The following CCDC158 variants were observed in gnomAD, a reference collection of about 807,000 sequenced individuals.
The protein encoded by CCDC158 is coiled-coil domain containing 158.
A neutral mutation model predicts 138.6 loss-of-function variants in CCDC158; 116 were observed. That is an observed-to-expected ratio of 0.84 (90% CI 0.72 to 0.98). CCDC158 has a LOEUF of 0.98. Among genes scored for constraint, CCDC158 ranks in the 50% least tolerant of loss-of-function variants. The pLI, the probability that CCDC158 is intolerant of heterozygous loss-of-function variation, is 0.00. For missense variants in CCDC158, 1,265 were observed against 1,306.1 expected (o/e 0.97, Z 0.48); for synonymous variants, 436 against 442.4 (o/e 0.99, Z 0.18).
At chr4:76,369,286 G>T (rs1277158121) in intron 11 of CCDC158, 140 bp downstream of exon 11, 6 of 553,336 alleles carry the variant, frequency 1.1e-5, no homozygotes, top group Admixed American at 3.9e-5. Context: ...TTCATAAATT[G>T]CTCACAGAAT....
intron 21 of CCDC158, among the ~76,000 whole-genome samples, chr4:76,329,308 G>A (rs1215629995): frequency 3.3e-5 from 5 of 152,068 alleles, no homozygotes; most frequent in African/African-American, 7.2e-5. Context: ...AAATTAGGTC[G>A]GGTGTGGTGG....
chr4:76,331,390 A>G lies in CCDC158; in HGVS notation c.2896T>C (p.Leu966=). Reference sequence around the variant, plus strand: ...TTGCTTCCTTCAGTGGAGTCCCTCAACGAGTTGTTGCTTCTGTTGGTAGAG... The same window carrying G: ...TTGCTTCCTTCAGTGGAGTCCCTCAGCGAGTTGTTGCTTCTGTTGGTAGAG... ...SDMCHRSNNS[L]RDSTEGSKSS... is the part of the protein sequence containing the mutation. The change falls in exon 21 of 25, where the codon TTG becomes CTG. Residue 966 remains leucine, a synonymous_variant. Coordinates refer to ENST00000682701, the MANE Select transcript of CCDC158 (RefSeq NM_001394954.1). 2 of 1,614,012 alleles carry G rather than the reference A, an allele frequency of 1.2e-6. No individual in the cohort carries two copies. Among genetic ancestry groups the G allele is most frequent in the Non-Finnish European group, 1.7e-6 (2 of 1,179,882 alleles).
Position 76,362,273 on chromosome 4 carries a change from C to A in CCDC158, c.1873G>T (p.Ala625Ser). Residue 625 changes from alanine (A) to serine (S), a missense_variant, in exon 13 of 25, where the codon GCC becomes TCC. Physicochemically the swap from Ala to Ser is moderately conservative, Grantham distance 99. Transcript: ENST00000682701. ...TCCAGCTCCAAGTCACTCACTCTGG[C>A]CTCAAGCTCCCGGATCTTTGCATCT... ...KKDAKIRELE[A>S]RVSDLELEKV... 6.2e-7 allele frequency: 1 copy of A among 1,613,984 alleles called. No individual in the cohort carries two copies. The highest frequency in any genetic ancestry group is 1.1e-5 in the South Asian group (1 of 91,008).
At position 76,358,996 on chromosome 4, in the gene CCDC158, G is replaced by A. The variant is rs555956262; in HGVS notation, c.2021-1470C>T. 2.6e-4 allele frequency among the ~76,000 whole-genome samples: 39 copies of A among 152,286 alleles called. No homozygotes were observed. In the South Asian group the frequency reaches 7.7e-3, roughly 30 times the overall value. On this transcript the variant is annotated intron_variant, in intron 13 of 24. Transcript: ENST00000682701. ...TGTTGGAGGAGGGGCTTCGTGGGAGGTGATTGGATCATGGGGAAGGATTTC... is the reference window on the plus strand; with the variant it reads ...TGTTGGAGGAGGGGCTTCGTGGGAGATGATTGGATCATGGGGAAGGATTTC...
chr4:76,341,890 A>G (rs1337570005), intron 18 of CCDC158, among the ~76,000 whole-genome samples: 1 of 152,226 alleles, frequency 6.6e-6, no homozygotes, highest in Non-Finnish European at 1.5e-5. Context: ...CCTCATTCAC[A>G]AAGACTAATG....
Position 76,313,112 on chromosome 4 carries a change from G to T in CCDC158, c.*58C>A, listed in dbSNP as rs764082796. The stretch of plus-strand genomic sequence containing the variant: ...AAAAAGTACACAGGGCACTAATTAC[G>T]AGTAACACCACAATTAATTGGGCCT... On this transcript the variant is annotated 3_prime_UTR_variant, in exon 25 of 25. Transcript: ENST00000682701. The T allele has an allele frequency of 9.1e-7, 1 of 1,094,008 alleles. No homozygotes were observed. Among genetic ancestry groups the T allele is most frequent in the Non-Finnish European group, 1.3e-6 (1 of 745,952 alleles). The allele number at this position is 1,094,008 out of a possible 1,614,324, so 67.8% of individuals were successfully genotyped here. A position where few individuals can be genotyped will look rare whatever the true frequency, so the allele number is the denominator to read the frequency against.
chr4:76,353,249 T>C lies in CCDC158; in HGVS notation c.2319A>G (p.Lys773=), dbSNP rs1449553007. ...EKHFLKEEKS[K]LSQELSTVAT... is the part of the protein sequence containing the mutation. The stretch of plus-strand genomic sequence containing the variant: ...CAACAGTACTCAATTCCTGACTGAG[T>C]TTACTTTTCTCTTCTTTCAGAAAAT... The change falls in exon 16 of 25, where the codon AAA becomes AAG. Residue 773 remains lysine (K), a synonymous_variant. Coordinates refer to ENST00000682701, the MANE Select transcript of CCDC158 (RefSeq NM_001394954.1). 3 of 1,610,056 alleles carry C rather than the reference T, an allele frequency of 1.9e-6. No individual in the cohort carries two copies.
In CCDC158 at chr4:76,396,125, C is replaced by A. The variant is rs1274344500; in HGVS notation, c.288+144G>T. ...ATTTTAATACCGAAAATAGAAGGCA[C>A]AGGTCAAATTAACAAATTTAACCAA... On this transcript the variant is annotated intron_variant, in intron 4 of 24. Coordinates refer to ENST00000682701, the MANE Select transcript of CCDC158 (RefSeq NM_001394954.1). The A allele has an allele frequency of 1.0e-5, 5 of 481,192 alleles. No homozygotes were observed. The East Asian group carries it at 1.7e-4, about 16-fold the overall frequency. The allele number at this position is 481,192 out of a possible 1,614,324, so 29.8% of individuals were successfully genotyped here. A position where few individuals can be genotyped will look rare whatever the true frequency, so the allele number is the denominator to read the frequency against.
intron 1 of CCDC158, among the ~76,000 whole-genome samples, chr4:76,419,625 C>G (rs193190916): frequency 1.8e-4 from 28 of 152,104 alleles, no homozygotes; most frequent in Non-Finnish European, 3.7e-4. Flanking sequence ...CCAATATCTG[C>G]CTCTGTGGTC....
At chr4:76,394,102 C>A (rs963664870) in intron 4 of CCDC158, among the ~76,000 whole-genome samples, 7 of 151,960 alleles carry the variant, frequency 4.6e-5, no homozygotes, top group African/African-American at 1.7e-4. Context: ...ATAGAGCTAC[C>A]GTATGATCCA....
At chr4:76,343,023 G>A (rs924026632) in intron 18 of CCDC158, among the ~76,000 whole-genome samples, 1 of 152,146 alleles carries the variant, frequency 6.6e-6, no homozygotes, top group East Asian at 1.9e-4. Context: ...GAATTTAGAG[G>A]CTTAATCTTT....
intron 2 of CCDC158, among the ~76,000 whole-genome samples, chr4:76,411,259 G>A (rs13434666): frequency 0.029 from 4,453 of 152,092 alleles, 219 homozygotes; most frequent in African/African-American, 0.1. Flanking sequence ...AAAATTAGCC[G>A]GGCATGGTGG....
rs1015737793 is a variant in CCDC158, at chr4:76,350,895, C to T, written c.2664+101G>A. 4.8e-6 allele frequency: 5 copies of T among 1,037,818 alleles called. No individual in the cohort carries two copies. The Admixed American group carries it at 1.1e-4, about 23-fold the overall frequency. 64.3% of individuals were successfully genotyped at this position (1,037,818 alleles called of 1,614,324 possible). On this transcript the variant is annotated intron_variant, in intron 18 of 24. Coordinates refer to ENST00000682701, the MANE Select transcript of CCDC158 (RefSeq NM_001394954.1). ...ATCTAAAATCTAGTAATTGAAAATG[C>T]TATGGATATAGAGATATTATTTTTT...
chr4:76,340,602 G>T (rs1483500416), intron 18 of CCDC158, among the ~76,000 whole-genome samples: 2 of 152,082 alleles, frequency 1.3e-5, no homozygotes, highest in African/African-American at 4.8e-5. Context: ...TGCAGTGACA[G>T]CAACCAGATG....
intron 24 of CCDC158, among the ~76,000 whole-genome samples, chr4:76,317,181 G>A (rs1163067651): frequency 2.0e-5 from 3 of 151,866 alleles, no homozygotes; most frequent in Non-Finnish European, 2.9e-5. Context: ...TTAAAGATAC[G>A]GAATGGCAGA....
chr4:76,410,234 G>T (rs1417915571), intron 2 of CCDC158, among the ~76,000 whole-genome samples: 1 of 152,084 alleles, frequency 6.6e-6, no homozygotes, highest in Non-Finnish European at 1.5e-5. Flanking sequence ...GTCCAGGCTG[G>T]AGTGCAGTGG....
chr4:76,371,861 C>T (rs1725275277), intron 9 of CCDC158, among the ~76,000 whole-genome samples: 1 of 151,078 alleles, frequency 6.6e-6, no homozygotes, highest in Admixed American at 6.6e-5. Flanking sequence ...TCGCTTGGAC[C>T]CGGGAGGCAG....
At chr4:76,386,744 C>T (rs1726829953) in intron 4 of CCDC158, among the ~76,000 whole-genome samples, 1 of 152,202 alleles carries the variant, frequency 6.6e-6, no homozygotes, top group Admixed American at 6.5e-5. Flanking sequence ...CACCATCCCC[C>T]AGCAGTGGCT....
At chr4:76,400,095 T>A (rs1728209904) in intron 3 of CCDC158, among the ~76,000 whole-genome samples, 1 of 152,000 alleles carries the variant, frequency 6.6e-6, no homozygotes, top group South Asian at 2.1e-4. Context: ...TTAAGAATGG[T>A]GTGATTTTCG....
Sources: gnomAD v4.1 joint callset for allele counts (sites outside exome capture counted in the v4.1 genomes callset) on GRCh38, gnomAD v4.1.1 for gene constraint, MANE v1.5 for transcripts, NCBI Gene and HGNC (gene_info 2026-07-23, HGNC 2026-07-21) for gene names.